Variants in OTOP1 observed in about 807,000 individuals in gnomAD.
The protein encoded by OTOP1 is proton channel OTOP1.
OTOP1 carries 59 observed loss-of-function variants against 52.9 expected under a neutral mutation model. The ratio of observed to expected loss-of-function variants is 1.12; its 90% confidence interval spans 0.91 to 1.39. The LOEUF (loss-of-function observed/expected upper bound fraction) is 1.39. Ranked by LOEUF, OTOP1 falls within the 40% of genes most tolerant of loss-of-function variation. OTOP1 has a pLI of 0.00. For missense variants in OTOP1, 761 were observed against 800.9 expected (o/e 0.95, Z 0.60); for synonymous variants, 317 against 337.7 (o/e 0.94, Z 0.67).
rs762544122 is a variant in OTOP1 at position 4,197,415 on chromosome 4, G to A, written c.1419C>T (p.Pro473=). 2 of 1,614,070 alleles carry A rather than the reference G, an allele frequency of 1.2e-6. No individual in the cohort carries two copies. The highest frequency in any genetic ancestry group is 1.7e-6 in the Non-Finnish European group (2 of 1,180,022). The change falls in exon 5 of 6, where the codon CCC becomes CCT. Residue 473 remains proline, a synonymous_variant. Coordinates refer to ENST00000296358, the MANE Select transcript of OTOP1 (RefSeq NM_177998.3). ...VVTVCNGNTM[P]LASSCPKSGG... ...CACTCTTGGGGCAGGAAGAAGCAAG[G>A]GGCATGGTGTTGCCATTGCAGACTG...
intron 1 of OTOP1, among the ~76,000 whole-genome samples, chr4:4,216,730 G>C (rs917089497): frequency 6.6e-6 from 1 of 152,222 alleles, no homozygotes; most frequent in Non-Finnish European, 1.5e-5. Context: ...AAAAAACATA[G>C]CAAGATGAGG....
rs1460426057 is a variant in OTOP1, at chr4:4,197,732, C to A, written c.1102G>T (p.Gly368Ter). The change falls in exon 5 of 6, where the codon GGA becomes TGA. Residue 368 changes from glycine to a stop codon, truncating the protein, a stop_gained. Transcript: ENST00000296358. LOFTEE classifies it high-confidence loss of function. ...LMLMGAAGLAGIRIYRIDEKS... is the reference protein window; with the variant it reads ...LMLMGAAGLA ...TCGTCTATCCTGTAAATCCGGATTCCAGCCAGCCCCGCAGCCCCCATAAGC... is the reference window on the plus strand; with the variant it reads ...TCGTCTATCCTGTAAATCCGGATTCAAGCCAGCCCCGCAGCCCCCATAAGC... 1.4e-5 allele frequency: 22 copies of A among 1,613,918 alleles called. No homozygotes were observed. Among genetic ancestry groups the A allele is most frequent in the South Asian group, 3.3e-5 (3 of 91,042 alleles).
At chr4:4,191,171 T>C (rs1716495693) in intron 5 of OTOP1, among the ~76,000 whole-genome samples, 1 of 152,068 alleles carries the variant, frequency 6.6e-6, no homozygotes, top group South Asian at 2.1e-4. Flanking sequence ...CTCATAACCA[T>C]GCCCCCTCCC....
intron 4 of OTOP1, among the ~76,000 whole-genome samples, chr4:4,201,511 CAT>C (rs1716789095): frequency 6.8e-6 from 1 of 147,256 alleles, no homozygotes; most frequent in African/African-American, 2.5e-5. Flanking sequence ...TACACACACA[CAT>C]ATATAGCCTA....
intron 3 of OTOP1, 47 bp downstream of exon 3, chr4:4,206,025 A>ATTT (rs758264587): frequency 1.3e-6 from 2 of 1,511,320 alleles, no homozygotes; most frequent in Admixed American, 3.4e-5. Context: ...GAAAATTCTA[A>ATTT]ATGAATGCCA....
intron 2 of OTOP1, among the ~76,000 whole-genome samples, chr4:4,211,931 G>A (rs1717034342): frequency 1.3e-5 from 2 of 152,098 alleles, no homozygotes; most frequent in South Asian, 4.1e-4. Context: ...TAATAATATT[G>A]TATTGTATAC....
chr4:4,196,504 C>T (rs1335024671), intron 5 of OTOP1, among the ~76,000 whole-genome samples: 1 of 152,206 alleles, frequency 6.6e-6, no homozygotes, highest in Non-Finnish European at 1.5e-5. Flanking sequence ...TTGCAGTGAG[C>T]CAAGATCGCA....
At chr4:4,217,458 G>C (rs1717177881) in intron 1 of OTOP1, among the ~76,000 whole-genome samples, 1 of 152,160 alleles carries the variant, frequency 6.6e-6, no homozygotes, top group Non-Finnish European at 1.5e-5. Context: ...CCGCGTGTCA[G>C]GGCAAAAGGC....
chr4:4,199,228 G>GTGTGTGTC, intron 4 of OTOP1, among the ~76,000 whole-genome samples: 1 of 101,930 alleles, frequency 9.8e-6, no homozygotes, highest in Non-Finnish European at 2.1e-5. Flanking sequence ...AATTGTGTGT[G>GTGTGTGTC]TGTGTGAGAG....
chr4:4,206,424 G>A (rs998994223), intron 2 of OTOP1, among the ~76,000 whole-genome samples: 9 of 152,216 alleles, frequency 5.9e-5, no homozygotes, highest in Non-Finnish European at 1.3e-4. Context: ...CTGTGGGACA[G>A]GGTATGGAAG....
At chr4:4,195,886 C>T (rs1466759642) in intron 5 of OTOP1, among the ~76,000 whole-genome samples, 1 of 152,106 alleles carries the variant, frequency 6.6e-6, no homozygotes, top group African/African-American at 2.4e-5. Flanking sequence ...CTCCCTCCCC[C>T]ATTATACTGA....
At chr4:4,209,336 A>C (rs976389835) in intron 2 of OTOP1, among the ~76,000 whole-genome samples, 2 of 152,168 alleles carry the variant, frequency 1.3e-5, no homozygotes, top group African/African-American at 4.8e-5. Context: ...ATACACATAT[A>C]TATACTTTTT....
At chr4:4,214,938 AT>A in intron 1 of OTOP1, among the ~76,000 whole-genome samples, 1 of 152,262 alleles carries the variant, frequency 6.6e-6, no homozygotes, top group East Asian at 1.9e-4. Context: ...AAGTTGGTAA[AT>A]TTTATGTATA....
At chr4:4,226,305 G>GAA in intron 1 of OTOP1, among the ~76,000 whole-genome samples, 157 bp downstream of exon 1, 1 of 148,924 alleles carries the variant, frequency 6.7e-6, no homozygotes, top group Non-Finnish European at 1.5e-5. Context: ...AGAGAGGAAA[G>GAA]GAAGGGCAGA....
At chr4:4,196,349 C>T (rs146849444) in intron 5 of OTOP1, among the ~76,000 whole-genome samples, 11,919 of 152,118 alleles carry the variant, frequency 0.078, 587 homozygotes, top group South Asian at 0.11. Context: ...GTCAGGAGTT[C>T]GAAACCAGCC....
At chr4:4,224,615 C>T (rs1717384396) in intron 1 of OTOP1, among the ~76,000 whole-genome samples, 2 of 152,194 alleles carry the variant, frequency 1.3e-5, no homozygotes, top group African/African-American at 4.8e-5. Context: ...CACTGTCATT[C>T]ACAGAGTCAC....
intron 5 of OTOP1, among the ~76,000 whole-genome samples, chr4:4,190,840 T>C (rs1213789309): frequency 1.3e-5 from 2 of 152,118 alleles, no homozygotes; most frequent in Non-Finnish European, 1.5e-5. Flanking sequence ...TGCCATTTCA[T>C]CCTTTGCTGT....
chr4:4,207,719 G>A (rs1716937469), intron 2 of OTOP1, among the ~76,000 whole-genome samples: 1 of 152,148 alleles, frequency 6.6e-6, no homozygotes. Context: ...AGTGCCCACT[G>A]ATGGATGAGT....
chr4:4,210,973 A>T (rs1015079630), intron 2 of OTOP1, among the ~76,000 whole-genome samples: 2 of 152,186 alleles, frequency 1.3e-5, no homozygotes, highest in African/African-American at 2.4e-5. Context: ...CGGCAAATGA[A>T]TTTCACAGGG....
Sources: gnomAD v4.1 joint callset for allele counts (sites outside exome capture counted in the v4.1 genomes callset) on GRCh38, gnomAD v4.1.1 for gene constraint, MANE v1.5 for transcripts, NCBI Gene and HGNC (gene_info 2026-07-23, HGNC 2026-07-21) for gene names.